Variants in DIAPH1 observed in about 807,000 individuals in gnomAD.
The protein encoded by DIAPH1 is diaphanous related formin 1.
Under a neutral mutation model 140.7 loss-of-function variants are expected in DIAPH1, and 46 were observed. That is an observed-to-expected ratio of 0.33 (90% CI 0.26 to 0.42). The LOEUF (loss-of-function observed/expected upper bound fraction) is 0.42, where lower values mean the gene tolerates loss of function less well. Among genes scored for constraint, DIAPH1 ranks in the 10% least tolerant of loss-of-function variants. The pLI is 1.00. For missense variants in DIAPH1, 1,310 were observed against 1,558.7 expected (o/e 0.84, Z 2.69); for synonymous variants, 565 against 551.6 (o/e 1.02, Z -0.34).
chr5:141,518,917 G>A (rs1243324822), intron 27 of DIAPH1: 1 of 1,549,346 alleles, frequency 6.5e-7, no homozygotes, highest in Non-Finnish European at 8.7e-7. Context: ...GATCAAGCAG[G>A]GAACACGCAG....
intron 1 of DIAPH1, among the ~76,000 whole-genome samples, chr5:141,618,119 GTT>G (rs1207219072): frequency 1.3e-5 from 2 of 152,258 alleles, no homozygotes; most frequent in African/African-American, 4.8e-5. Context: ...AAAGAGAGAG[GTT>G]CTCTGGAGAG....
chr5:141,540,067 A>C (rs147750383), intron 18 of DIAPH1, among the ~76,000 whole-genome samples: 2 of 151,980 alleles, frequency 1.3e-5, no homozygotes, highest in African/African-American at 4.8e-5. Context: ...TTACAGGTCT[A>C]AATTACCCTC....
At chr5:141,571,315 G>T in intron 18 of DIAPH1, 113 bp downstream of exon 18, 1 of 917,170 alleles carries the variant, frequency 1.1e-6, no homozygotes, top group Non-Finnish European at 1.7e-6. Context: ...GCAAAGACAA[G>T]TCAACCCTCA....
rs200506473 is a variant in DIAPH1, at chr5:141,574,191, C to T, written c.1659G>A (p.Lys553=). Residue 553 remains lysine, a synonymous_variant, in exon 16 of 28, where the codon AAG becomes AAA. Coordinates refer to ENST00000389054, the MANE Select transcript of DIAPH1 (RefSeq NM_005219.5). ...QLTGEVAKLT[K]ELEDAKKEMA... ...TTTCTTTCTTGGCATCTTCCAGTTC[C>T]TTTGTCAGCTTGGCAACCTACAGAA... is the stretch of plus-strand genomic sequence containing the variant. 89 of 1,614,080 alleles carry T rather than the reference C, an allele frequency of 5.5e-5. No homozygotes were observed. In the Admixed American group the frequency reaches 1.4e-3, roughly 26 times the overall value.
intron 27 of DIAPH1, among the ~76,000 whole-genome samples, chr5:141,517,571 C>T (rs1284275162): frequency 1.3e-5 from 2 of 152,108 alleles, no homozygotes; most frequent in Non-Finnish European, 2.9e-5. Context: ...CCTCCAACAA[C>T]AGATGCCCAC....
intron 18 of DIAPH1, among the ~76,000 whole-genome samples, chr5:141,569,656 G>A (rs2099894860): frequency 6.6e-6 from 1 of 152,086 alleles, no homozygotes; most frequent in Non-Finnish European, 1.5e-5. Context: ...CAGCTACTCA[G>A]GAGGCTGAGG....
intron 18 of DIAPH1, chr5:141,562,983 T>A (rs1227509454): frequency 6.6e-6 from 1 of 152,234 alleles, no homozygotes; most frequent in Non-Finnish European, 1.5e-5. Context: ...CAGGTCTCCA[T>A]AGCAAGAGAA....
At chr5:141,602,813 CAGA>C (rs1208633795) in intron 1 of DIAPH1, among the ~76,000 whole-genome samples, 4 of 152,114 alleles carry the variant, frequency 2.6e-5, no homozygotes, top group East Asian at 3.9e-4. Flanking sequence ...TTTAAATGCA[CAGA>C]AGAACTTTCC....
intron 18 of DIAPH1, among the ~76,000 whole-genome samples, chr5:141,570,272 T>C (rs2154596156): frequency 6.6e-6 from 1 of 152,324 alleles, no homozygotes; most frequent in Middle Eastern, 3.4e-3. Context: ...TCTGTGAACT[T>C]ACAAATTAGA....
chr5:141,515,303 C>G lies in DIAPH1; in HGVS notation c.*1548G>C, dbSNP rs573751591. The stretch of plus-strand genomic sequence containing the variant: ...ATAGTCCAAAGGAGCTGCTCTTGCC[C>G]CTTTATACACAAGCGCCAGCAACCA... On this transcript the variant is annotated 3_prime_UTR_variant, in exon 28 of 28. Transcript: ENST00000389054. The G allele has an allele frequency of 2.6e-5, 4 of 152,400 alleles. No homozygotes were observed. In the South Asian group the frequency reaches 8.3e-4, roughly 32 times the overall value. The allele number at this position is 152,400 out of a possible 1,614,324, so 9.4% of individuals were successfully genotyped here. A position where few individuals can be genotyped will look rare whatever the true frequency, so the allele number is the denominator to read the frequency against.
At chr5:141,613,127 C>A (rs985049286) in intron 1 of DIAPH1, among the ~76,000 whole-genome samples, 2 of 152,162 alleles carry the variant, frequency 1.3e-5, no homozygotes, top group Admixed American at 6.5e-5. Context: ...CCAGTCATAT[C>A]CACCACCAAG....
At chr5:141,549,326 C>T (rs1048576124) in intron 18 of DIAPH1, among the ~76,000 whole-genome samples, 2 of 151,982 alleles carry the variant, frequency 1.3e-5, no homozygotes, top group African/African-American at 4.8e-5. Context: ...AATAAAGGGT[C>T]AATCCTTGAG....
chr5:141,560,696 A>C (rs1347312952), intron 18 of DIAPH1: 3 of 347,078 alleles, frequency 8.6e-6, no homozygotes, highest in Non-Finnish European at 1.7e-5. Flanking sequence ...AACCTAAATA[A>C]ATACTGAGTA....
chr5:141,615,546 C>T (rs1348001892), intron 1 of DIAPH1, among the ~76,000 whole-genome samples: 1 of 151,866 alleles, frequency 6.6e-6, no homozygotes, highest in Non-Finnish European at 1.5e-5. Flanking sequence ...TCGACAACAT[C>T]CTGGCTAACA....
intron 1 of DIAPH1, among the ~76,000 whole-genome samples, chr5:141,606,456 A>C (rs2099900977): frequency 6.6e-6 from 1 of 152,114 alleles, no homozygotes; most frequent in South Asian, 2.1e-4. Context: ...GTGCAATGGC[A>C]CAATCTCGAC....
chr5:141,542,822 G>C (rs72790088), intron 18 of DIAPH1, among the ~76,000 whole-genome samples: 3,467 of 152,212 alleles, frequency 0.023, 55 homozygotes, highest in East Asian at 0.046. Flanking sequence ...TAAATTGCTT[G>C]CTCTAAAATG....
rs2154594783 is a variant in DIAPH1, at chr5:141,515,713, C to G, written c.*1138G>C. On this transcript the variant is annotated 3_prime_UTR_variant, in exon 28 of 28. Transcript: ENST00000389054. ...CTTAGAGTTCCTGCTACTCTTAGGC[C>G]TGGCCCAGCTCAACCAGAGAAGGGG... The G allele has an allele frequency of 2.0e-5, 3 of 152,294 alleles. No individual in the cohort carries two copies. The Middle Eastern group carries it at 0.01, about 518-fold the overall frequency. 9.4% of individuals were successfully genotyped at this position (152,294 alleles called of 1,614,324 possible). A position where few individuals can be genotyped will look rare whatever the true frequency, so the allele number is the denominator to read the frequency against.
intron 1 of DIAPH1, among the ~76,000 whole-genome samples, chr5:141,595,114 A>C (rs1227292625): frequency 6.6e-6 from 1 of 152,182 alleles, no homozygotes; most frequent in Non-Finnish European, 1.5e-5. Context: ...ACATTCTAGA[A>C]AAGGCAAAAC....
chr5:141,515,823 G>C lies in DIAPH1; in HGVS notation c.*1028C>G, dbSNP rs2099885595. 6.6e-6 allele frequency: 1 copy of C among 152,282 alleles called. No individual in the cohort carries two copies. The highest frequency in any genetic ancestry group is 1.5e-5 in the Non-Finnish European group (1 of 68,082). The allele number at this position is 152,282 out of a possible 1,614,324, so 9.4% of individuals were successfully genotyped here. ...GGTCCAGGGGCACATTCAGGATTGG[G>C]CCTGTGAGAAGAAATCCCAGAACTC... On this transcript the variant is annotated 3_prime_UTR_variant, in exon 28 of 28. Transcript: ENST00000389054.
Sources: gnomAD v4.1 joint callset for allele counts (sites outside exome capture counted in the v4.1 genomes callset) on GRCh38, gnomAD v4.1.1 for gene constraint, MANE v1.5 for transcripts, NCBI Gene and HGNC (gene_info 2026-07-23, HGNC 2026-07-21) for gene names.